The following RASAL2 variants were observed in gnomAD, a reference collection of about 807,000 sequenced individuals.
RASAL2 encodes ras GTPase-activating protein nGAP.
RASAL2 carries 58 observed loss-of-function variants against 128.9 expected under a neutral mutation model. The observed-to-expected ratio is 0.45, with a 90% CI of 0.36 to 0.56. The LOEUF (loss-of-function observed/expected upper bound fraction) is 0.56, where lower values mean the gene tolerates loss of function less well. Among genes scored for constraint, RASAL2 ranks in the 20% least tolerant of loss-of-function variants. RASAL2 has a pLI of 0.00. For missense variants in RASAL2, 1,360 were observed against 1,601.6 expected (o/e 0.85, Z 2.57); for synonymous variants, 561 against 580.8 (o/e 0.97, Z 0.49).
intron 3 of RASAL2, among the ~76,000 whole-genome samples, chr1:178,311,435 T>C (rs1402351301): frequency 6.6e-6 from 1 of 152,080 alleles, no homozygotes; most frequent in Non-Finnish European, 1.5e-5. Flanking sequence ...GCCAGACATA[T>C]GTGGTAGCAG....
intron 3 of RASAL2, among the ~76,000 whole-genome samples, chr1:178,335,792 T>C (rs901633765): frequency 6.6e-6 from 1 of 152,174 alleles, no homozygotes; most frequent in African/African-American, 2.4e-5. Context: ...CATTGTTGCA[T>C]CTGGATTAAT....
chr1:178,429,824 A>G (rs1424927656), intron 5 of RASAL2, among the ~76,000 whole-genome samples: 1 of 151,828 alleles, frequency 6.6e-6, no homozygotes, highest in East Asian at 1.9e-4. Flanking sequence ...TCCTTTTCCT[A>G]TACCCTGTCT....
chr1:178,305,813 A>G (rs1037766321), intron 3 of RASAL2, among the ~76,000 whole-genome samples: 1 of 152,206 alleles, frequency 6.6e-6, no homozygotes, highest in African/African-American at 2.4e-5. Context: ...ATTTAATGAC[A>G]TTCCTATTAG....
chr1:178,321,839 T>G (rs759798419), intron 3 of RASAL2, among the ~76,000 whole-genome samples: 4 of 150,806 alleles, frequency 2.7e-5, no homozygotes, highest in Non-Finnish European at 4.4e-5. Flanking sequence ...AAATACAAAA[T>G]TAGCTGGGTG....
chr1:178,122,899 A>G (rs1186228252), intron 1 of RASAL2, among the ~76,000 whole-genome samples: 1 of 152,016 alleles, frequency 6.6e-6, no homozygotes, highest in African/African-American at 2.4e-5. Context: ...ATTTAAAATT[A>G]ATTTTTAGAT....
chr1:178,112,804 A>C (rs61813783), intron 1 of RASAL2, among the ~76,000 whole-genome samples: 2 of 150,302 alleles, frequency 1.3e-5, no homozygotes, highest in East Asian at 4.0e-4. Flanking sequence ...GATATACCTA[A>C]TGCTAGATGA....
chr1:178,318,220 G>A (rs1472910802), intron 3 of RASAL2, among the ~76,000 whole-genome samples: 1 of 149,734 alleles, frequency 6.7e-6, no homozygotes. Context: ...CAACTATGTG[G>A]TCAATTTTGG....
chr1:178,420,671 T>C (rs533649601), intron 5 of RASAL2, 51 bp downstream of exon 5: 2 of 1,353,112 alleles, frequency 1.5e-6, no homozygotes, highest in South Asian at 2.7e-5. Flanking sequence ...GAGTGAATTT[T>C]GTTAAGGCAT....
intron 1 of RASAL2, among the ~76,000 whole-genome samples, chr1:178,176,642 G>A (rs1197932037): frequency 6.7e-6 from 1 of 149,678 alleles, no homozygotes; most frequent in Non-Finnish European, 1.5e-5. Flanking sequence ...AAGAGGGAGA[G>A]AGAGAGAGAG....
chr1:178,295,175 TC>T (rs947274954), intron 2 of RASAL2, among the ~76,000 whole-genome samples: 1 of 151,686 alleles, frequency 6.6e-6, no homozygotes, highest in Admixed American at 6.6e-5. Context: ...AGAGTATAGA[TC>T]AGTGGTTCTC....
chr1:178,366,879 G>A (rs1671432892), intron 3 of RASAL2, among the ~76,000 whole-genome samples: 1 of 152,084 alleles, frequency 6.6e-6, no homozygotes, highest in Non-Finnish European at 1.5e-5. Context: ...AATGCATAGA[G>A]TCAAAACTTA....
At chr1:178,273,846 A>C (rs1311612474) in intron 1 of RASAL2, among the ~76,000 whole-genome samples, 2 of 152,118 alleles carry the variant, frequency 1.3e-5, no homozygotes, top group Non-Finnish European at 2.9e-5. Context: ...CCTACCACTC[A>C]CTTGAGGTCA....
intron 12 of RASAL2, among the ~76,000 whole-genome samples, chr1:178,455,326 C>A (rs1677693880): frequency 6.6e-6 from 1 of 152,114 alleles, no homozygotes; most frequent in African/African-American, 2.4e-5. Context: ...AGGCTTATTA[C>A]AATAATTATT....
At chr1:178,459,256 A>G (rs1678002761) in intron 14 of RASAL2, among the ~76,000 whole-genome samples, 1 of 152,076 alleles carries the variant, frequency 6.6e-6, no homozygotes, top group African/African-American at 2.4e-5. Flanking sequence ...GAAACTAATC[A>G]TTTCTTCCTT....
At chr1:178,449,411 A>G (rs1045594601) in intron 9 of RASAL2, among the ~76,000 whole-genome samples, 1 of 152,148 alleles carries the variant, frequency 6.6e-6, no homozygotes, top group African/African-American at 2.4e-5. Context: ...TTCGGCAGTA[A>G]TATGTCCATC....
chr1:178,430,839 G>A (rs1294993172), intron 5 of RASAL2, among the ~76,000 whole-genome samples: 1 of 151,096 alleles, frequency 6.6e-6, no homozygotes, highest in Non-Finnish European at 1.5e-5. Context: ...ACTCTTTGTT[G>A]TGTGTGTTGA....
chr1:178,372,068 T>G, intron 3 of RASAL2: 1 of 693,378 alleles, frequency 1.4e-6, no homozygotes, highest in Non-Finnish European at 1.8e-6. Flanking sequence ...ATTAGATTGA[T>G]GTCACAGAGA....
At chr1:178,368,019 A>G (rs985320203) in intron 3 of RASAL2, among the ~76,000 whole-genome samples, 1 of 152,180 alleles carries the variant, frequency 6.6e-6, no homozygotes, top group African/African-American at 2.4e-5. Context: ...CGTATTTTCT[A>G]TGGTTGTTTT....
At chr1:178,183,660 C>A (rs1662193406) in intron 1 of RASAL2, among the ~76,000 whole-genome samples, 1 of 152,136 alleles carries the variant, frequency 6.6e-6, no homozygotes, top group African/African-American at 2.4e-5. Context: ...CTTTGTGTGG[C>A]TTAATATCTC....
Sources: gnomAD v4.1 joint callset for allele counts (sites outside exome capture counted in the v4.1 genomes callset) on GRCh38, gnomAD v4.1.1 for gene constraint, MANE v1.5 for transcripts, NCBI Gene and HGNC (gene_info 2026-07-23, HGNC 2026-07-21) for gene names.